CAB39: variants seen among roughly 807,000 people sequenced by gnomAD.
CAB39 encodes the protein calcium binding protein 39, also known as calcium-binding protein 39.
In CAB39, 8 loss-of-function variants were observed where a neutral mutation model predicts 40.0. The observed-to-expected ratio is 0.20, with a 90% CI of 0.12 to 0.36. CAB39 has a LOEUF of 0.36. Ranked by LOEUF, CAB39 falls within the 10% of genes least tolerant of loss-of-function variation. The pLI is 1.00. For missense variants in CAB39, 270 were observed against 401.1 expected, an observed-to-expected ratio of 0.67 and a Z score of 2.79; for synonymous variants, 156 against 141.6, an observed-to-expected ratio of 1.10 and a Z score of -0.72.
At chr2:230,732,378 G>A (rs559629483) in intron 1 of CAB39, among the ~76,000 whole-genome samples, 15 of 152,246 alleles carry the variant, frequency 9.9e-5, no homozygotes, top group South Asian at 2.1e-4. Context: ...CACCGCGCCC[G>A]GCCGAAATTA....
chr2:230,727,750 C>T (rs763074322), intron 1 of CAB39, among the ~76,000 whole-genome samples: 1 of 151,960 alleles, frequency 6.6e-6, no homozygotes, highest in Non-Finnish European at 1.5e-5. Context: ...ATATTAAAGG[C>T]CATGCCCTCG....
intron 1 of CAB39, among the ~76,000 whole-genome samples, chr2:230,717,426 C>G (rs76341213): frequency 6.6e-6 from 1 of 152,130 alleles, no homozygotes; most frequent in African/African-American, 2.4e-5. Context: ...ACTTTCCGAC[C>G]GGATCCCAAC....
At chr2:230,818,476 G>A (rs1575968388) in intron 8 of CAB39, 40 bp from the exon 9 acceptor site, 1 of 1,577,380 alleles carries the variant, frequency 6.3e-7, no homozygotes, top group Non-Finnish European at 8.7e-7. Context: ...GCTGCGTTTT[G>A]TCCTTTCTCT....
intron 7 of CAB39, among the ~76,000 whole-genome samples, chr2:230,815,693 T>C (rs925031652): frequency 6.6e-6 from 1 of 152,154 alleles, no homozygotes; most frequent in Non-Finnish European, 1.5e-5. Context: ...TCAAGACCCT[T>C]CTGCCATTCA....
intron 1 of CAB39, among the ~76,000 whole-genome samples, chr2:230,757,923 A>G (rs1344428407): frequency 6.6e-6 from 1 of 152,152 alleles, no homozygotes; most frequent in African/African-American, 2.4e-5. Flanking sequence ...CGATCATATG[A>G]CAGCTAGTTA....
intron 2 of CAB39, among the ~76,000 whole-genome samples, chr2:230,760,681 C>T (rs978128072): frequency 2.0e-5 from 3 of 152,196 alleles, no homozygotes; most frequent in Non-Finnish European, 2.9e-5. Flanking sequence ...TGGTTTTCTT[C>T]CTGTATTCAG....
At position 230,758,038 on chromosome 2, in the gene CAB39, C is replaced by T. The variant is rs1005960389; in HGVS notation, c.-43-1921C>T. 4.6e-5 allele frequency among the ~76,000 whole-genome samples: 7 copies of T among 152,242 alleles called. No individual in the cohort carries two copies. The Middle Eastern group carries it at 0.014, about 296-fold the overall frequency. On this transcript the variant is annotated intron_variant, in intron 1 of 8. Coordinates refer to ENST00000258418, the MANE Select transcript of CAB39 (RefSeq NM_016289.4). The stretch of plus-strand genomic sequence containing the variant: ...TTATGGCTGGGCATGATGGCTCACA[C>T]CTGTAATCCCAGCACTTTGGGAGGC...
At chr2:230,739,082 A>G (rs953110068) in intron 1 of CAB39, among the ~76,000 whole-genome samples, 11 of 152,324 alleles carry the variant, frequency 7.2e-5, no homozygotes, top group African/African-American at 2.6e-4. Flanking sequence ...AATTATCTCT[A>G]TAAAAGAGCA....
chr2:230,776,584 G>C (rs1695590433), intron 2 of CAB39, among the ~76,000 whole-genome samples: 1 of 146,772 alleles, frequency 6.8e-6, no homozygotes, highest in Admixed American at 6.7e-5. Flanking sequence ...CTTCCACTCA[G>C]CATCATTCCC....
intron 2 of CAB39, among the ~76,000 whole-genome samples, chr2:230,784,748 C>G (rs983167382): frequency 6.6e-6 from 1 of 152,060 alleles, no homozygotes; most frequent in Non-Finnish European, 1.5e-5. Context: ...AAAGAATTAA[C>G]GCGGGAAGAA....
intron 2 of CAB39, among the ~76,000 whole-genome samples, chr2:230,790,242 C>CA (rs201133394): frequency 0.21 from 30,127 of 145,364 alleles, 3,700 homozygotes; most frequent in East Asian, 0.39. Flanking sequence ...GACCCTGTCT[C>CA]AAAAAAAAAA....
intron 1 of CAB39, among the ~76,000 whole-genome samples, chr2:230,729,876 G>T (rs1421863993): frequency 1.3e-5 from 2 of 152,096 alleles, no homozygotes; most frequent in Non-Finnish European, 2.9e-5. Flanking sequence ...AATGCCCAGG[G>T]TGAGGAAATC....
intron 7 of CAB39, among the ~76,000 whole-genome samples, chr2:230,817,484 A>G (rs1696421425): frequency 6.6e-6 from 1 of 152,132 alleles, no homozygotes; most frequent in South Asian, 2.1e-4. Flanking sequence ...AGAGTCTCCC[A>G]CTGGGGCCAA....
chr2:230,773,640 G>A (rs905044455), intron 2 of CAB39, among the ~76,000 whole-genome samples: 1 of 152,138 alleles, frequency 6.6e-6, no homozygotes, highest in Non-Finnish European at 1.5e-5. Flanking sequence ...CTACTGTGAG[G>A]AACAGTTGAA....
chr2:230,754,695 T>G (rs542657595), intron 1 of CAB39, among the ~76,000 whole-genome samples: 1 of 152,182 alleles, frequency 6.6e-6, no homozygotes, highest in East Asian at 1.9e-4. Context: ...ATTTTTGTAT[T>G]TTTAGTAGAG....
At chr2:230,748,293 A>G (rs1695011141) in intron 1 of CAB39, among the ~76,000 whole-genome samples, 1 of 151,990 alleles carries the variant, frequency 6.6e-6, no homozygotes, top group Non-Finnish European at 1.5e-5. Flanking sequence ...TCAGAATTGT[A>G]GTTGGGTGGG....
intron 1 of CAB39, among the ~76,000 whole-genome samples, chr2:230,746,997 C>T (rs966387144): frequency 7.2e-5 from 11 of 152,098 alleles, no homozygotes; most frequent in African/African-American, 1.9e-4. Flanking sequence ...AAAAATCTTA[C>T]GGGTATAAGG....
chr2:230,715,312 A>C (rs777211207), intron 1 of CAB39, among the ~76,000 whole-genome samples: 4 of 152,204 alleles, frequency 2.6e-5, no homozygotes, highest in Non-Finnish European at 4.4e-5. Flanking sequence ...ACTTTTTCTG[A>C]AAGTTTCTTG....
At chr2:230,770,883 G>A (rs938367151) in intron 2 of CAB39, among the ~76,000 whole-genome samples, 109 of 152,190 alleles carry the variant, frequency 7.2e-4, no homozygotes, top group African/African-American at 2.5e-3. Context: ...TAGAGGAAGG[G>A]AATTTTCTCA....
Sources: gnomAD v4.1 joint callset for allele counts (sites outside exome capture counted in the v4.1 genomes callset) on GRCh38, gnomAD v4.1.1 for gene constraint, MANE v1.5 for transcripts, NCBI Gene and HGNC (gene_info 2026-07-23, HGNC 2026-07-21) for gene names.